The following N4BP2 variants were observed in gnomAD, a reference collection of about 807,000 sequenced individuals.
N4BP2 encodes NEDD4-binding protein 2.
Under a neutral mutation model 152.8 loss-of-function variants are expected in N4BP2, and 91 were observed. That is an observed-to-expected ratio of 0.60 (90% CI 0.50 to 0.71). The LOEUF is 0.71. Ranked by LOEUF, N4BP2 falls within the 30% of genes least tolerant of loss-of-function variation. The pLI, the probability that N4BP2 is intolerant of heterozygous loss-of-function variation, is 0.00. For missense variants in N4BP2, 1,923 were observed against 2,059.1 expected (o/e 0.93, Z 1.28); for synonymous variants, 646 against 705.3 (o/e 0.92, Z 1.33).
chr4:40,129,736 G>A (rs1052636659), intron 12 of N4BP2, among the ~76,000 whole-genome samples: 1 of 152,042 alleles, frequency 6.6e-6, no homozygotes, highest in South Asian at 2.1e-4. Context: ...CTCTCAAAGT[G>A]CTGGGATTGT....
chr4:40,144,577 A>G, intron 15 of N4BP2, 55 bp from the exon 16 acceptor site: 1 of 1,418,648 alleles, frequency 7.0e-7, no homozygotes, highest in South Asian at 1.5e-5. Context: ...TAACTTCCTC[A>G]TCACCCAAGT....
Position 40,112,066 on chromosome 4 carries a change from T to C in N4BP2, c.1499-18T>C. The C allele has an allele frequency of 7.9e-7, 1 of 1,270,528 alleles. No homozygotes were observed. The highest frequency in any genetic ancestry group is 1.1e-6 in the Non-Finnish European group (1 of 894,448). 78.7% of individuals were successfully genotyped at this position (1,270,528 alleles called of 1,614,324 possible). A position where few individuals can be genotyped will look rare whatever the true frequency, so the allele number is the denominator to read the frequency against. ...GTATTGTTTAAAAAATGATTTTTAA[T>C]TATGTTATGTTTTTCAGCAAAAGAA... On this transcript the variant is annotated intron_variant, in intron 5 of 17. Coordinates refer to ENST00000261435, the MANE Select transcript of N4BP2 (RefSeq NM_018177.6).
chr4:40,163,757 CTTTAGTGGCCTTG>C, the N4BP2 span, among the ~76,000 whole-genome samples: 1 of 152,264 alleles, frequency 6.6e-6, no homozygotes, highest in African/African-American at 2.4e-5. Context: ...TGGAACTGAC[CTTTAGTGGCCTTG>C]TTATGAGAGA....
chr4:40,119,920 A>G lies in N4BP2; in HGVS notation c.1821-12A>G. 1 of 1,266,586 alleles carries G rather than the reference A, an allele frequency of 7.9e-7. No homozygotes were observed. The highest frequency in any genetic ancestry group is 1.6e-5 in the South Asian group (1 of 63,774). The allele number at this position is 1,266,586 out of a possible 1,614,324, so 78.5% of individuals were successfully genotyped here. A position where few individuals can be genotyped will look rare whatever the true frequency, so the allele number is the denominator to read the frequency against. ...AGACTTTCTCATGATACTCTTTAAA[A>G]TAATCTTACAGCCCAAGAGACGATG... On this transcript the variant is annotated splice_polypyrimidine_tract_variant and intron_variant, in intron 8 of 17. Coordinates refer to ENST00000261435, the MANE Select transcript of N4BP2 (RefSeq NM_018177.6).
rs148345484 is a variant in N4BP2 at position 40,061,941 on chromosome 4, A to G, written c.-212+4911A>G. Among the ~76,000 whole-genome samples, 1,381 of 152,268 alleles carry G rather than the reference A, an allele frequency of 9.1e-3. 25 individuals carry two copies. Among genetic ancestry groups the G allele is most frequent in the African/African-American group, 0.032 (1,312 of 41,552 alleles). ...CGGCCTCCCAAAGTGCTGGGGTTAC[A>G]GGTGTGAACCACCATGCCTGGCCAT... On this transcript the variant is annotated intron_variant, in intron 1 of 17. Coordinates refer to ENST00000261435, the MANE Select transcript of N4BP2 (RefSeq NM_018177.6).
intron 2 of N4BP2, among the ~76,000 whole-genome samples, chr4:40,088,652 C>A (rs1222910989): frequency 1.3e-5 from 2 of 152,120 alleles, no homozygotes; most frequent in African/African-American, 4.8e-5. Flanking sequence ...AGGCATGCAC[C>A]ACTACGCCTG....
At chr4:40,159,162 C>T (rs958323250), downstream of N4BP2, among the ~76,000 whole-genome samples, 3 of 152,186 alleles carry the variant, frequency 2.0e-5, no homozygotes, top group African/African-American at 7.2e-5. Context: ...CATTCTCTGA[C>T]TCCTAATATG....
chr4:40,151,958 TATTA>T (rs139937701), intron 16 of N4BP2, among the ~76,000 whole-genome samples: 44,456 of 151,888 alleles, frequency 0.29, 6,738 homozygotes, highest in South Asian at 0.47. Flanking sequence ...GTTTTAAATT[TATTA>T]ATTCATCTCA....
chr4:40,189,579 G>A, the N4BP2 span, among the ~76,000 whole-genome samples: 7 of 152,066 alleles, frequency 4.6e-5, no homozygotes, highest in African/African-American at 7.2e-5. The surrounding 1 kb of genome is among the most constrained non-coding windows in gnomAD (Gnocchi z 4.3). Context: ...ACGGATTTAC[G>A]CCGATGATAA....
At position 40,087,714 on chromosome 4, in the gene N4BP2, G is replaced by T. The variant is rs1714119264; in HGVS notation, c.-114-9513G>T. ...CAAAAAAAAGGAATGTTGTGTAAGT[G>T]GAATAATTCAATATAGCCTTTTAGG... On this transcript the variant is annotated intron_variant, in intron 2 of 17. Transcript: ENST00000261435. 2.6e-5 allele frequency among the ~76,000 whole-genome samples: 4 copies of T among 151,840 alleles called. No individual in the cohort carries two copies. The South Asian group carries it at 8.3e-4, about 32-fold the overall frequency.
intron 2 of N4BP2, among the ~76,000 whole-genome samples, chr4:40,091,624 T>C (rs1203359335): frequency 6.8e-6 from 1 of 147,374 alleles, no homozygotes; most frequent in Non-Finnish European, 1.5e-5. Context: ...TTTTTTTTTT[T>C]TGAGACAGGG....
At position 40,102,157 on chromosome 4, in the gene N4BP2, TTCTGA is replaced by T. The variant is rs763107252; in HGVS notation, c.313_317del (p.Ser105GlufsTer9). ...AATCATCTTCACAAAGTTTCGTTGC[TTCTGA>T]GAACCAAGTAGGTGCAGCAGAAAGT... is the stretch of plus-strand genomic sequence containing the variant. On this transcript the variant is annotated frameshift_variant, in exon 4 of 18. Transcript: ENST00000261435. LOFTEE classifies it high-confidence loss of function. 2.4e-5 allele frequency: 39 copies of T among 1,613,620 alleles called. No individual in the cohort carries two copies. The highest frequency in any genetic ancestry group is 3.0e-5 in the Non-Finnish European group (35 of 1,179,866).
chr4:40,173,737 T>C, the N4BP2 span, among the ~76,000 whole-genome samples: 2 of 152,220 alleles, frequency 1.3e-5, no homozygotes, highest in Admixed American at 6.5e-5. Context: ...GCAGAGAGCC[T>C]GGGCCGAACT....
chr4:40,096,193 T>C (rs928638647), intron 2 of N4BP2, among the ~76,000 whole-genome samples: 1 of 152,150 alleles, frequency 6.6e-6, no homozygotes, highest in African/African-American at 2.4e-5. Flanking sequence ...ATATGGGTGG[T>C]AAATACAATA....
chr4:40,161,721 G>C (rs1721865730), downstream of N4BP2, among the ~76,000 whole-genome samples: 1 of 152,160 alleles, frequency 6.6e-6, no homozygotes, highest in African/African-American at 2.4e-5. Flanking sequence ...CCCATAAGTT[G>C]GTAAATGGGA....
At chr4:40,152,650 C>T in intron 16 of N4BP2, 130 bp from the exon 17 acceptor site, 3 of 857,710 alleles carry the variant, frequency 3.5e-6, no homozygotes, top group Non-Finnish European at 5.5e-6. Flanking sequence ...CTTACTATTA[C>T]AGTTTTGAGA....
At chr4:40,124,299 C>A (rs767665900) in intron 11 of N4BP2, 94 bp downstream of exon 11, 1 of 747,744 alleles carries the variant, frequency 1.3e-6, no homozygotes, top group Non-Finnish European at 2.2e-6. Flanking sequence ...CCACAAAATA[C>A]GGTACCCACA....
intron 1 of N4BP2, among the ~76,000 whole-genome samples, chr4:40,072,443 G>A (rs1377858261): frequency 2.0e-5 from 3 of 151,198 alleles, no homozygotes; most frequent in South Asian, 2.1e-4. Flanking sequence ...ATGGGGTTTC[G>A]CCATGTTTGC....
chr4:40,141,346 C>T (rs1348609313), intron 14 of N4BP2, among the ~76,000 whole-genome samples: 3 of 151,612 alleles, frequency 2.0e-5, no homozygotes, highest in Admixed American at 6.6e-5. Flanking sequence ...GGCTTCCGGG[C>T]GGAGGGTCTC....
Sources: allele counts gnomAD v4.1 joint callset (sites outside exome capture counted in the v4.1 genomes callset), GRCh38; gene constraint gnomAD v4.1.1; non-coding constraint Gnocchi (gnomAD v3.1); transcripts MANE v1.5; gene names NCBI Gene and HGNC (gene_info 2026-07-23, HGNC 2026-07-21).